CLUL1: variants seen among roughly 807,000 people sequenced by gnomAD.
The protein encoded by CLUL1 is clusterin-like protein 1.
CLUL1 carries 43 observed loss-of-function variants against 49.4 expected under a neutral mutation model. The observed-to-expected ratio is 0.87, with a 90% confidence interval of 0.68 to 1.12. The LOEUF (loss-of-function observed/expected upper bound fraction) is 1.12, where lower values mean the gene tolerates loss of function less well. Ranked by LOEUF, CLUL1 falls within the 50% of genes most tolerant of loss-of-function variation. CLUL1 has a pLI of 0.00. For missense variants in CLUL1, 486 were observed against 544.4 expected, an observed-to-expected ratio of 0.89 and a Z score of 1.07; for synonymous variants, 192 against 184.9, an observed-to-expected ratio of 1.04 and a Z score of -0.31.
At chr18:634,982 T>C (rs1008097122) in intron 7 of CLUL1, among the ~76,000 whole-genome samples, 2 of 152,158 alleles carry the variant, frequency 1.3e-5, no homozygotes, top group Admixed American at 1.3e-4. Context: ...ATTTTCAAAG[T>C]GTGACTAATG....
intron 8 of CLUL1, among the ~76,000 whole-genome samples, chr18:642,825 T>C (rs754998189): frequency 1.1e-4 from 16 of 152,234 alleles, no homozygotes; most frequent in Non-Finnish European, 1.5e-4. Flanking sequence ...GGAGCACTTA[T>C]GCCCCAGAGC....
chr18:624,739 C>A, intron 4 of CLUL1, 126 bp from the exon 5 acceptor site: 1 of 817,826 alleles, frequency 1.2e-6, no homozygotes, highest in Non-Finnish European at 1.9e-6. Context: ...CTGACAGCTG[C>A]GAGGCACCTG....
chr18:649,903 A>G lies in CLUL1; in HGVS notation c.*2A>G. The G allele has an allele frequency of 1.4e-6, 2 of 1,385,420 alleles. No individual in the cohort carries two copies. The highest frequency in any genetic ancestry group is 2.0e-6 in the Non-Finnish European group (2 of 986,282). 85.8% of individuals were successfully genotyped at this position (1,385,420 alleles called of 1,614,324 possible). ...CCTTTTTTTTTTTTTTTAAGGTAAG[A>G]AGATCTAATGCATCCTATATCCAGT... is the stretch of plus-strand genomic sequence containing the variant. On this transcript the variant is annotated 3_prime_UTR_variant, in exon 10 of 10. Coordinates refer to ENST00000692774, the MANE Select transcript of CLUL1 (RefSeq NM_001393344.1).
intron 2 of CLUL1, 26 bp downstream of exon 2, chr18:607,125 T>G (rs558216488): frequency 1.4e-6 from 1 of 700,452 alleles, no homozygotes; most frequent in African/African-American, 1.8e-5. Flanking sequence ...CCCGTCTATC[T>G]TTTATTTATT....
intron 6 of CLUL1, among the ~76,000 whole-genome samples, chr18:630,893 A>C (rs1225415653): frequency 6.6e-6 from 1 of 150,428 alleles, no homozygotes; most frequent in Non-Finnish European, 1.5e-5. Flanking sequence ...TGACATCTTG[A>C]TTTTAGCCTA....
At position 641,545 on chromosome 18, in the gene CLUL1, A is replaced by C. The variant is rs1393938203; in HGVS notation, c.1209+4A>C. 1 of 1,612,678 alleles carries C rather than the reference A, an allele frequency of 6.2e-7. No homozygotes were observed. Among genetic ancestry groups the C allele is most frequent in the Admixed American group, 1.7e-5 (1 of 60,026 alleles). On this transcript the variant is annotated splice_donor_region_variant and intron_variant, in intron 8 of 9. Coordinates refer to ENST00000692774, the MANE Select transcript of CLUL1 (RefSeq NM_001393344.1). ...GATCATCTTTAATTCAATACAGGTAAAGGAGAGACCCAAGAGCAGATACGG... is the reference window on the plus strand; with the variant it reads ...GATCATCTTTAATTCAATACAGGTACAGGAGAGACCCAAGAGCAGATACGG...
chr18:606,962 C>T lies in CLUL1; in HGVS notation c.-135-16C>T, dbSNP rs1388573415. On this transcript the variant is annotated splice_polypyrimidine_tract_variant and intron_variant, in intron 1 of 9. Transcript: ENST00000692774. This position sits in a 1 kb window ranked among gnomAD's most constrained non-coding sequence, Gnocchi z 4.1. Reference sequence around the variant, plus strand: ...CTCCCTAAAATTTCTTTTCTTTTTTCTTTTCTTTTCTTTAGAGTTGCGTCC... The same window carrying T: ...CTCCCTAAAATTTCTTTTCTTTTTTTTTTTCTTTTCTTTAGAGTTGCGTCC... 1.7e-6 allele frequency: 1 copy of T among 598,120 alleles called. No homozygotes were observed. The highest frequency in any genetic ancestry group is 1.9e-5 in the African/African-American group (1 of 53,000). The allele number at this position is 598,120 out of a possible 1,614,324, so 37.1% of individuals were successfully genotyped here. A position where few individuals can be genotyped will look rare whatever the true frequency, so the allele number is the denominator to read the frequency against.
chr18:648,831 A>AT lies in CLUL1; in HGVS notation c.1398-1061dup, dbSNP rs536239655. Among the ~76,000 whole-genome samples, 228 of 151,808 alleles carry AT rather than the reference A, an allele frequency of 1.5e-3. 1 individual carries two copies. The highest frequency in any genetic ancestry group is 0.014 in the Middle Eastern group (4 of 292). On this transcript the variant is annotated intron_variant, in intron 9 of 9. Coordinates refer to ENST00000692774, the MANE Select transcript of CLUL1 (RefSeq NM_001393344.1). ...ACCACCACACTTGGCTAATTTTTGT[A>AT]TTTTTTAGTAGAGATGTGTTTTTAC...
chr18:637,603 C>T (rs1260074574), intron 7 of CLUL1, among the ~76,000 whole-genome samples: 2 of 152,064 alleles, frequency 1.3e-5, no homozygotes, highest in African/African-American at 4.8e-5. Flanking sequence ...GGCAGAAAAG[C>T]GTTTGGAAAG....
intron 1 of CLUL1, among the ~76,000 whole-genome samples, chr18:600,391 A>C (rs1399571359): frequency 1.6e-4 from 25 of 152,358 alleles, no homozygotes; most frequent in Non-Finnish European, 3.5e-4. Flanking sequence ...GAGGATAAGG[A>C]CTTACTGCAA....
chr18:645,883 G>A (rs1425334497), intron 9 of CLUL1, among the ~76,000 whole-genome samples: 2 of 120,122 alleles, frequency 1.7e-5, no homozygotes, highest in Non-Finnish European at 1.7e-5. Flanking sequence ...GTAAAAACAA[G>A]AGAATGATTA....
rs116503012 is a variant in CLUL1 at position 633,347 on chromosome 18, A to T, written c.906A>T (p.Arg302Ser). 927 of 1,613,880 alleles carry T rather than the reference A, an allele frequency of 5.7e-4. 3 individuals are homozygous for T. The African/African-American group carries it at 0.011, about 19-fold the overall frequency. Reference protein sequence around the residue: ...LISKMLPGQDRGLCGELDQNL... With the variant: ...LISKMLPGQDSGLCGELDQNL... ...CAAAGATGTTACCTGGGCAGGACAG[A>T]GGACTGTGTGGGGAACTTGACCAGA... is the stretch of plus-strand genomic sequence containing the variant. The change falls in exon 7 of 10, where the codon AGA (arginine) becomes AGT (serine). Residue 302 changes from arginine (R) to serine (S), a missense_variant. Arg to Ser is a moderately radical substitution (Grantham distance 110). Coordinates refer to ENST00000692774, the MANE Select transcript of CLUL1 (RefSeq NM_001393344.1).
intron 7 of CLUL1, among the ~76,000 whole-genome samples, chr18:636,078 T>C (rs2074129317): frequency 1.3e-5 from 2 of 152,142 alleles, no homozygotes; most frequent in Admixed American, 1.3e-4. Context: ...CCTAAACATA[T>C]TGGCTTTTAA....
chr18:607,189 A>G, intron 2 of CLUL1, 90 bp downstream of exon 2: 1 of 683,902 alleles, frequency 1.5e-6, no homozygotes, highest in Middle Eastern at 3.6e-4. Context: ...ATGCAGTGAC[A>G]CGATCTCAGC....
chr18:632,271 C>T (rs2074012119), intron 6 of CLUL1, among the ~76,000 whole-genome samples: 1 of 152,006 alleles, frequency 6.6e-6, no homozygotes, highest in African/African-American at 2.4e-5. Flanking sequence ...TCTTTGACCC[C>T]CTGTTCATAA....
chr18:642,961 C>T (rs2074383698), intron 8 of CLUL1, among the ~76,000 whole-genome samples: 1 of 152,150 alleles, frequency 6.6e-6, no homozygotes, highest in Non-Finnish European at 1.5e-5. Flanking sequence ...CTTTATAAAC[C>T]ACTTCTGTCA....
chr18:647,716 C>T (rs2074547903), intron 9 of CLUL1, among the ~76,000 whole-genome samples: 1 of 152,154 alleles, frequency 6.6e-6, no homozygotes, highest in African/African-American at 2.4e-5. Flanking sequence ...GAGTCATCAA[C>T]AGATCTCAGT....
chr18:613,815 C>T (rs2143972023), intron 2 of CLUL1, among the ~76,000 whole-genome samples: 3 of 152,284 alleles, frequency 2.0e-5, no homozygotes, highest in Admixed American at 2.0e-4. Context: ...CTCTGTGTGG[C>T]TCAATAAAAC....
chr18:649,935 A>G lies in CLUL1; in HGVS notation c.*34A>G. 3 of 1,332,402 alleles carry G rather than the reference A, an allele frequency of 2.3e-6. No homozygotes were observed. Among genetic ancestry groups the G allele is most frequent in the Non-Finnish European group, 3.2e-6 (3 of 946,140 alleles). 82.5% of individuals were successfully genotyped at this position (1,332,402 alleles called of 1,614,324 possible). A position where few individuals can be genotyped will look rare whatever the true frequency, so the allele number is the denominator to read the frequency against. On this transcript the variant is annotated 3_prime_UTR_variant, in exon 10 of 10. Coordinates refer to ENST00000692774, the MANE Select transcript of CLUL1 (RefSeq NM_001393344.1). ...AATGCATCCTATATCCAGTAAGTAGAATTATCTCTTCATCTGGGACCTGGA... is the reference window on the plus strand; with the variant it reads ...AATGCATCCTATATCCAGTAAGTAGGATTATCTCTTCATCTGGGACCTGGA...
Sources: gnomAD v4.1 joint callset for allele counts (sites outside exome capture counted in the v4.1 genomes callset) on GRCh38, gnomAD v4.1.1 for gene constraint, Gnocchi (gnomAD v3.1) non-coding constraint, MANE v1.5 for transcripts, NCBI Gene and HGNC (gene_info 2026-07-23, HGNC 2026-07-21) for gene names.